The following WLS variants were observed in gnomAD, a reference collection of about 807,000 sequenced individuals.
The protein encoded by WLS is Wnt ligand secretion mediator.
A neutral mutation model predicts 62.8 loss-of-function variants in WLS; 23 were observed. The observed-to-expected ratio is 0.37, with a 90% CI of 0.26 to 0.52. WLS has a LOEUF of 0.52. Ranked by LOEUF, WLS falls within the 20% of genes least tolerant of loss-of-function variation. The pLI, the probability that WLS is intolerant of heterozygous loss-of-function variation, is 0.92. For synonymous variants in WLS, 246 were observed against 244.1 expected, an observed-to-expected ratio of 1.01 and a Z score of -0.07; for missense variants, 615 against 697.3, an observed-to-expected ratio of 0.88 and a Z score of 1.33.
intron 1 of WLS, among the ~76,000 whole-genome samples, chr1:68,213,264 A>G (rs1649588527): frequency 6.6e-6 from 1 of 152,114 alleles, no homozygotes; most frequent in Non-Finnish European, 1.5e-5. Context: ...CAGCCTGGTC[A>G]ACATGGTGAA....
intron 11 of WLS, among the ~76,000 whole-genome samples, chr1:68,133,050 A>T (rs2820486): frequency 0.011 from 89 of 8,382 alleles, no homozygotes; most frequent in East Asian, 0.061. Flanking sequence ...AAAAGGCAGC[A>T]GCAGCAACAG....
chr1:68,138,134 A>G (rs916032651), intron 10 of WLS: 18 of 624,250 alleles, frequency 2.9e-5, no homozygotes, highest in Non-Finnish European at 4.4e-5. Context: ...GCTTTCTGTC[A>G]GGCACAGTCA....
At chr1:68,228,872 C>CAAAAAAAAAAA (rs1241481269) in intron 1 of WLS, among the ~76,000 whole-genome samples, 1 of 56,956 alleles carries the variant, frequency 1.8e-5, no homozygotes, top group Admixed American at 1.9e-4. Flanking sequence ...AAAAAAAAAG[C>CAAAAAAAAAAA]AAGCAAAAAA....
intron 2 of WLS, among the ~76,000 whole-genome samples, chr1:68,163,470 G>T (rs1647015572): frequency 3.3e-5 from 5 of 151,432 alleles, no homozygotes; most frequent in Non-Finnish European, 5.9e-5. Flanking sequence ...CTCCCTTTTC[G>T]GTCCCTCGCT....
chr1:68,155,118 A>G lies in WLS; in HGVS notation c.647T>C (p.Ile216Thr), dbSNP rs1428205227. Residue 216 changes from isoleucine (I) to threonine (T), a missense_variant, in exon 4 of 12, where the codon ATA (isoleucine) becomes ACA (threonine). By Grantham distance (89) the Ile-to-Thr change is moderately conservative. Transcript: ENST00000262348. ...ACTTACCACCAACCGGATATCCTTT[A>G]TCTCCCCAATTCCCACATTGATTTT... The part of the protein sequence containing the change: ...KKKINVGIGE[I>T]KDIRLVGIHQ... The G allele has an allele frequency of 1.9e-6, 3 of 1,613,782 alleles. No individual in the cohort carries two copies.
intron 10 of WLS, chr1:68,138,220 C>T: frequency 2.7e-6 from 1 of 373,330 alleles, no homozygotes; most frequent in Non-Finnish European, 4.9e-6. Context: ...CATTGCTATC[C>T]CTAAGTTAAA....
chr1:68,179,471 T>C (rs934244212), intron 2 of WLS, among the ~76,000 whole-genome samples: 20 of 152,194 alleles, frequency 1.3e-4, no homozygotes, highest in Admixed American at 7.2e-4. Context: ...GTAAACTCTG[T>C]CATCCTCAGT....
intron 1 of WLS, chr1:68,228,238 G>C (rs41287868): frequency 0.015 from 6,715 of 446,428 alleles, 90 homozygotes; most frequent in Non-Finnish European, 0.025. Context: ...GTTTGGAATA[G>C]TCTCATTTAT....
chr1:68,120,572 C>CCT (rs1240053002), downstream of WLS, among the ~76,000 whole-genome samples: 2 of 152,238 alleles, frequency 1.3e-5, no homozygotes, highest in Non-Finnish European at 2.9e-5. Context: ...GGTCACTTCA[C>CCT]CTCTCTGAGT....
chr1:68,190,662 G>A (rs929379861), intron 2 of WLS, among the ~76,000 whole-genome samples: 77 of 152,278 alleles, frequency 5.1e-4, no homozygotes, highest in African/African-American at 1.8e-3. Context: ...CATGCCTGAT[G>A]AGACTGCAGA....
chr1:68,203,095 C>A (rs1649111933), intron 1 of WLS: 1 of 152,108 alleles, frequency 6.6e-6, no homozygotes, highest in South Asian at 2.1e-4. Flanking sequence ...TACATATATT[C>A]TTTTATCAAT....
chr1:68,215,767 T>G (rs1342082782), intron 1 of WLS, among the ~76,000 whole-genome samples: 2 of 152,198 alleles, frequency 1.3e-5, no homozygotes, highest in African/African-American at 2.4e-5. Context: ...CAATGCATGT[T>G]TATTAGCATG....
downstream of WLS, among the ~76,000 whole-genome samples, chr1:68,122,731 C>G (rs1215323140): frequency 6.6e-6 from 1 of 152,182 alleles, no homozygotes; most frequent in Admixed American, 6.5e-5. Context: ...TTTCTCACCT[C>G]TTGAGTTTCC....
intron 2 of WLS, among the ~76,000 whole-genome samples, chr1:68,165,556 CGGTGGG>C (rs963139450): frequency 6.6e-5 from 10 of 151,994 alleles, no homozygotes; most frequent in Admixed American, 2.6e-4. Context: ...CTTGGATGTT[CGGTGGG>C]GGTGGGAGTG....
intron 1 of WLS, among the ~76,000 whole-genome samples, chr1:68,226,741 A>G (rs2772284): frequency 0.95 from 144,684 of 152,172 alleles, 69,229 homozygotes; most frequent in South Asian, 1. Flanking sequence ...CTGAGCACAC[A>G]GTACACCCTA....
Position 68,125,467 on chromosome 1 carries a change from A to C in WLS, c.*759T>G. The C allele has an allele frequency of 1.0e-6, 1 of 985,470 alleles. No individual in the cohort carries two copies. The highest frequency in any genetic ancestry group is 1.2e-6 in the Non-Finnish European group (1 of 829,944). The allele number at this position is 985,470 out of a possible 1,614,324, so 61.0% of individuals were successfully genotyped here. On this transcript the variant is annotated 3_prime_UTR_variant, in exon 12 of 12. Transcript: ENST00000262348. ...GAGGCTATTTGAAGTATCTTATCAA[A>C]ATAAAACGCATTTTAAGCAAGAAGT...
At position 68,186,416 on chromosome 1, in the gene WLS, C is replaced by A; in HGVS notation, c.379+7539G>T. 8.5e-6 allele frequency: 3 copies of A among 352,570 alleles called. No homozygotes were observed. The Middle Eastern group carries it at 1.9e-3, about 225-fold the overall frequency. The allele number at this position is 352,570 out of a possible 1,614,324, so 21.8% of individuals were successfully genotyped here. On this transcript the variant is annotated intron_variant, in intron 2 of 11. Coordinates refer to ENST00000262348, the MANE Select transcript of WLS (RefSeq NM_024911.7). ...ACTAACCAGATATATATTATAAACC[C>A]AAGCTTTAATTTCAGAGCCCAAACA...
chr1:68,171,421 G>T (rs576002764), intron 2 of WLS, among the ~76,000 whole-genome samples: 2 of 151,902 alleles, frequency 1.3e-5, no homozygotes, highest in Non-Finnish European at 2.9e-5. Context: ...TATCCATCTG[G>T]CAAAGGGCTA....
At chr1:68,152,928 A>G (rs1424383582) in intron 5 of WLS, among the ~76,000 whole-genome samples, 1 of 152,182 alleles carries the variant, frequency 6.6e-6, no homozygotes. Flanking sequence ...ACTACAACAC[A>G]GACAAGTATC....
Sources: allele counts gnomAD v4.1 joint callset (sites outside exome capture counted in the v4.1 genomes callset), GRCh38; gene constraint gnomAD v4.1.1; transcripts MANE v1.5; gene names NCBI Gene and HGNC (gene_info 2026-07-23, HGNC 2026-07-21).